SLCO2B1: variants seen among roughly 807,000 people sequenced by gnomAD.
SLCO2B1 encodes OATP-RP2.
In SLCO2B1, 41 loss-of-function variants were observed where a neutral mutation model predicts 67.3. That is an observed-to-expected ratio of 0.61 (90% CI 0.47 to 0.79). The LOEUF (loss-of-function observed/expected upper bound fraction) is 0.79. Ranked by LOEUF, SLCO2B1 falls within the 30% of genes least tolerant of loss-of-function variation. The probability of loss-of-function intolerance (pLI) is 0.00; values close to 1 mark genes in which losing one functional copy is unlikely to be tolerated. For missense variants in SLCO2B1, 837 were observed against 920.1 expected, an observed-to-expected ratio of 0.91 and a Z score of 1.17; for synonymous variants, 379 against 381.4, an observed-to-expected ratio of 0.99 and a Z score of 0.07.
At chr11:75,154,449 G>A (rs972096153) in intron 1 of SLCO2B1, among the ~76,000 whole-genome samples, 3 of 152,050 alleles carry the variant, frequency 2.0e-5, no homozygotes, top group Non-Finnish European at 1.5e-5. Flanking sequence ...GCAGTGAGCC[G>A]AGATTGCACC....
intron 7 of SLCO2B1, among the ~76,000 whole-genome samples, chr11:75,182,471 A>G (rs1479655771): frequency 6.6e-6 from 1 of 152,224 alleles, no homozygotes; most frequent in Non-Finnish European, 1.5e-5. Flanking sequence ...AGCTGGGCGC[A>G]GTGGCTCACG....
Position 75,174,092 on chromosome 11 carries a change from G to T in SLCO2B1, c.972+1523G>T, listed in dbSNP as rs141774961. Among the ~76,000 whole-genome samples, 388 of 152,198 alleles carry T rather than the reference G, an allele frequency of 2.5e-3. 4 individuals are homozygous for T. The highest frequency in any genetic ancestry group is 8.7e-3 in the African/African-American group (360 of 41,522). ...GCTGGGATTACAGGAGTGAGCCACC[G>T]TGCCAGGCCTAAAAGTTTAATTACA... On this transcript the variant is annotated intron_variant, in intron 7 of 13. Coordinates refer to ENST00000289575, the MANE Select transcript of SLCO2B1 (RefSeq NM_007256.5).
intron 7 of SLCO2B1, among the ~76,000 whole-genome samples, chr11:75,180,911 A>G (rs1420005881): frequency 6.6e-6 from 1 of 152,238 alleles, no homozygotes; most frequent in South Asian, 2.1e-4. Context: ...GGAGCAGGAA[A>G]AATATAAATA....
Position 75,151,136 on chromosome 11 carries a change from C to A in SLCO2B1, c.-246C>A. The A allele has an allele frequency of 1.9e-6, 1 of 523,132 alleles. No homozygotes were observed. The allele number at this position is 523,132 out of a possible 1,614,324, so 32.4% of individuals were successfully genotyped here. A position where few individuals can be genotyped will look rare whatever the true frequency, so the allele number is the denominator to read the frequency against. On this transcript the variant is annotated 5_prime_UTR_variant, in exon 1 of 14. Transcript: ENST00000289575. ...GGAGCAAGTGACCCAGGGAGACAAA[C>A]ACTTGGAGATACTTGGGGCTGAGTT...
Position 75,193,606 on chromosome 11 carries a change from G to T in SLCO2B1, c.1433+31G>T, listed in dbSNP as rs754989961. ...TGTGTGCGTGGGCACGTAAAGGCAA[G>T]CCTGGGAGGACAGGACAGGGAGGAC... On this transcript the variant is annotated intron_variant, in intron 9 of 13. Coordinates refer to ENST00000289575, the MANE Select transcript of SLCO2B1 (RefSeq NM_007256.5). This position sits in a 1 kb window ranked among gnomAD's most constrained non-coding sequence, Gnocchi z 4.2. The T allele has an allele frequency of 4.2e-5, 63 of 1,508,798 alleles. No homozygotes were observed. Among genetic ancestry groups the T allele is most frequent in the Non-Finnish European group, 5.4e-5 (61 of 1,129,462 alleles). The allele number at this position is 1,508,798 out of a possible 1,614,324, so 93.5% of individuals were successfully genotyped here.
intron 1 of SLCO2B1, among the ~76,000 whole-genome samples, chr11:75,152,908 T>C (rs1949708001): frequency 6.6e-6 from 1 of 152,046 alleles, no homozygotes. Flanking sequence ...GCCTGCAGCC[T>C]GGGAAGAGTC....
Position 75,164,013 on chromosome 11 carries a change from CGGCT to C in SLCO2B1, c.199_202del (p.Gly67ThrfsTer2). 1 of 1,605,924 alleles carries C rather than the reference CGGCT, an allele frequency of 6.2e-7. No homozygotes were observed. Among genetic ancestry groups the C allele is most frequent in the Non-Finnish European group, 8.5e-7 (1 of 1,176,420 alleles). ...TGCAGCTGGCGCAGCTCATGATCTC[CGGCT>C]ACCTAAAGAGCTCCATCTCCACAGT... On this transcript the variant is annotated frameshift_variant, in exon 3 of 14. Coordinates refer to ENST00000289575, the MANE Select transcript of SLCO2B1 (RefSeq NM_007256.5). LOFTEE classifies it high-confidence loss of function.
At position 75,193,112 on chromosome 11, in the gene SLCO2B1, G is replaced by C; in HGVS notation, c.1076-106G>C. The stretch of plus-strand genomic sequence containing the variant: ...GCAATAGAATTAAGTGGAATGGGGC[G>C]GGTTAGAAGAAATGGAACTGCTTGA... On this transcript the variant is annotated intron_variant, in intron 8 of 13. Coordinates refer to ENST00000289575, the MANE Select transcript of SLCO2B1 (RefSeq NM_007256.5). This position sits in a 1 kb window ranked among gnomAD's most constrained non-coding sequence, Gnocchi z 4.2. 1 of 755,666 alleles carries C rather than the reference G, an allele frequency of 1.3e-6. No homozygotes were observed. Among genetic ancestry groups the C allele is most frequent in the Non-Finnish European group, 2.2e-6 (1 of 459,268 alleles). 46.8% of individuals were successfully genotyped at this position (755,666 alleles called of 1,614,324 possible).
chr11:75,185,081 A>G (rs1277204587), intron 7 of SLCO2B1, among the ~76,000 whole-genome samples: 1 of 152,232 alleles, frequency 6.6e-6, no homozygotes, highest in African/African-American at 2.4e-5. Context: ...TATTTGAATG[A>G]ATCGTCCTGC....
intron 7 of SLCO2B1, among the ~76,000 whole-genome samples, chr11:75,186,102 T>C (rs1944925718): frequency 6.6e-6 from 1 of 152,146 alleles, no homozygotes; most frequent in Non-Finnish European, 1.5e-5. Context: ...ATGGAGTTGT[T>C]CTGATTCTAA....
At chr11:75,185,269 C>G (rs1950135496) in intron 7 of SLCO2B1, among the ~76,000 whole-genome samples, 1 of 152,140 alleles carries the variant, frequency 6.6e-6, no homozygotes, top group Admixed American at 6.5e-5. Flanking sequence ...AAGTGTCAGA[C>G]CCAACCAGAG....
At chr11:75,152,605 G>C (rs1336489491) in intron 1 of SLCO2B1, 15 of 152,328 alleles carry the variant, frequency 9.8e-5, no homozygotes, top group Admixed American at 9.2e-4. Flanking sequence ...AGTATGGATG[G>C]GAGGGATGGA....
intron 7 of SLCO2B1, among the ~76,000 whole-genome samples, chr11:75,179,439 C>T (rs919539285): frequency 2.6e-5 from 4 of 151,858 alleles, no homozygotes; most frequent in Non-Finnish European, 2.9e-5. Context: ...ACCATGTTGG[C>T]CAGGCTGGTC....
intron 3 of SLCO2B1, among the ~76,000 whole-genome samples, chr11:75,164,303 C>T (rs1320099899): frequency 2.0e-5 from 3 of 152,038 alleles, no homozygotes; most frequent in Admixed American, 6.5e-5. Flanking sequence ...CCCTTGGGAA[C>T]CTCTAATGGG....
chr11:75,169,347 C>T lies in SLCO2B1; in HGVS notation c.623C>T (p.Pro208Leu). The T allele has an allele frequency of 6.2e-7, 1 of 1,613,728 alleles. No homozygotes were observed. The stretch of plus-strand genomic sequence containing the variant: ...GGCGTGGGCGGGGTGCCCATTCAGC[C>T]CTTTGGCATCTCCTACATCGATGAC... ...LLGVGGVPIQ[P>L]FGISYIDDFA... Residue 208 changes from proline to leucine, a missense_variant, in exon 5 of 14, where the codon CCC becomes CTC. Transcript: ENST00000289575.
chr11:75,196,739 TG>T, intron 10 of SLCO2B1, 60 bp downstream of exon 10: 1 of 1,495,748 alleles, frequency 6.7e-7, no homozygotes, highest in Non-Finnish European at 9.1e-7. Flanking sequence ...CCTGTCTCTG[TG>T]GGCCTGTCAT....
chr11:75,169,784 G>A lies in SLCO2B1; in HGVS notation c.781+20G>A, dbSNP rs762860566. On this transcript the variant is annotated intron_variant, in intron 6 of 13. Coordinates refer to ENST00000289575, the MANE Select transcript of SLCO2B1 (RefSeq NM_007256.5). The stretch of plus-strand genomic sequence containing the variant: ...CAGAAGGTGAGCCTCAGGAGCACAT[G>A]TTTGCTAGACCCTAGCTAACTGACT... 3.6e-5 allele frequency: 57 copies of A among 1,601,670 alleles called. No individual in the cohort carries two copies. The highest frequency in any genetic ancestry group is 1.2e-4 in the Admixed American group (7 of 59,988).
Position 75,151,361 on chromosome 11 carries a change from G to A in SLCO2B1, c.-21G>A. 3 of 1,612,318 alleles carry A rather than the reference G, an allele frequency of 1.9e-6. No homozygotes were observed. The highest frequency in any genetic ancestry group is 2.5e-6 in the Non-Finnish European group (3 of 1,179,102). On this transcript the variant is annotated 5_prime_UTR_variant, in exon 1 of 14. Coordinates refer to ENST00000289575, the MANE Select transcript of SLCO2B1 (RefSeq NM_007256.5). Reference sequence around the variant, plus strand: ...TCCTGAGATTAAATTAGGGGCTGGAGCTCACTGCACTCCAGCAGTCATGGG... The same window carrying A: ...TCCTGAGATTAAATTAGGGGCTGGAACTCACTGCACTCCAGCAGTCATGGG...
At chr11:75,194,260 G>A (rs1194918829) in intron 9 of SLCO2B1, among the ~76,000 whole-genome samples, 1 of 152,154 alleles carries the variant, frequency 6.6e-6, no homozygotes, top group South Asian at 2.1e-4. Context: ...TTACCCTTGG[G>A]AGCCTTCTTG....
Sources: allele counts gnomAD v4.1 joint callset (sites outside exome capture counted in the v4.1 genomes callset), GRCh38; gene constraint gnomAD v4.1.1; non-coding constraint Gnocchi (gnomAD v3.1); transcripts MANE v1.5; gene names NCBI Gene and HGNC (gene_info 2026-07-23, HGNC 2026-07-21).